Variants in CTNNA2 observed in about 807,000 individuals in gnomAD.
The protein encoded by CTNNA2 is catenin alpha-2.
Under a neutral mutation model 101.0 loss-of-function variants are expected in CTNNA2, and 42 were observed. That is an observed-to-expected ratio of 0.42 (90% CI 0.32 to 0.54). The LOEUF is 0.54. Among genes scored for constraint, CTNNA2 ranks in the 20% least tolerant of loss-of-function variants. The pLI is 0.14. For missense variants in CTNNA2, 871 were observed against 1,223.1 expected (o/e 0.71, Z 4.29); for synonymous variants, 450 against 456.4 (o/e 0.99, Z 0.18).
intron 9 of CTNNA2, among the ~76,000 whole-genome samples, chr2:80,535,197 T>C (rs567847870): frequency 1.3e-5 from 2 of 152,288 alleles, no homozygotes; most frequent in South Asian, 4.1e-4. Flanking sequence ...ATATAAACTT[T>C]TAATGCATTA....
intron 7 of CTNNA2, among the ~76,000 whole-genome samples, chr2:79,950,141 G>GA (rs11305062): frequency 3.0e-3 from 433 of 144,356 alleles, no homozygotes; most frequent in African/African-American, 5.4e-3. Flanking sequence ...CAGATTTTGT[G>GA]AAAAAAAAAA....
chr2:79,706,530 T>C (rs1341242070), intron 2 of CTNNA2, among the ~76,000 whole-genome samples: 4 of 152,118 alleles, frequency 2.6e-5, no homozygotes, highest in Non-Finnish European at 5.9e-5. Context: ...ATTCTTCCCA[T>C]TTGGTTTAAA....
At chr2:79,728,818 TATATTAA>T (rs1239527182) in intron 2 of CTNNA2, among the ~76,000 whole-genome samples, 1 of 152,216 alleles carries the variant, frequency 6.6e-6, no homozygotes, top group Non-Finnish European at 1.5e-5. Flanking sequence ...CCCAGCACCA[TATATTAA>T]ATAGGGAATC....
At position 80,598,591 on chromosome 2, in the gene CTNNA2, G is replaced by A. The variant is rs548021859; in HGVS notation, c.2190-5483G>A. 3.3e-5 allele frequency among the ~76,000 whole-genome samples: 5 copies of A among 152,208 alleles called. No homozygotes were observed. In the South Asian group the frequency reaches 1.0e-3, roughly 32 times the overall value. On this transcript the variant is annotated intron_variant, in intron 15 of 18. Coordinates refer to ENST00000402739, the MANE Select transcript of CTNNA2 (RefSeq NM_001282597.3). ...CAAACCCTATACCATAAACAATTACGTCAGGTTTATTTGTAATAGTCCCAC... is the reference window on the plus strand; with the variant it reads ...CAAACCCTATACCATAAACAATTACATCAGGTTTATTTGTAATAGTCCCAC...
At position 80,302,614 on chromosome 2, in the gene CTNNA2, G is replaced by T; in HGVS notation, c.1057-90597G>T. On this transcript the variant is annotated intron_variant, in intron 7 of 18. Transcript: ENST00000402739. The surrounding 1 kb of genome is among the most constrained non-coding windows in gnomAD (Gnocchi z 6.4). The stretch of plus-strand genomic sequence containing the variant: ...CGGTGGCAGGCTCGAATGTGCCGTC[G>T]TGCTGCCCCTCCCCGCCGTCCGCGA... 1.2e-6 allele frequency: 2 copies of T among 1,605,822 alleles called. No individual in the cohort carries two copies. Among genetic ancestry groups the T allele is most frequent in the Non-Finnish European group, 1.7e-6 (2 of 1,178,508 alleles).
intron 8 of CTNNA2, among the ~76,000 whole-genome samples, chr2:80,417,202 G>A (rs1680119008): frequency 1.3e-5 from 2 of 150,870 alleles, no homozygotes; most frequent in South Asian, 2.1e-4. Context: ...TTTAATATAT[G>A]TATATATTAT....
At chr2:79,651,698 T>G (rs1234594898) in intron 2 of CTNNA2, 40 bp downstream of exon 2, 2 of 1,531,596 alleles carry the variant, frequency 1.3e-6, no homozygotes, top group Admixed American at 3.4e-5. Flanking sequence ...TATATGTGTT[T>G]CTATTGTGAT....
At chr2:79,836,606 T>C (rs925652585) in intron 3 of CTNNA2, among the ~76,000 whole-genome samples, 2 of 152,182 alleles carry the variant, frequency 1.3e-5, no homozygotes, top group Non-Finnish European at 2.9e-5. Context: ...CACACTTCCT[T>C]TGAAACATGT....
At chr2:80,114,810 G>A (rs1010721371) in intron 7 of CTNNA2, among the ~76,000 whole-genome samples, 2 of 152,108 alleles carry the variant, frequency 1.3e-5, no homozygotes, top group Non-Finnish European at 2.9e-5. Flanking sequence ...GGTGTCTGAA[G>A]ATATCCTCAC....
intron 7 of CTNNA2, among the ~76,000 whole-genome samples, chr2:79,941,854 A>G (rs1688188561): frequency 1.3e-5 from 2 of 152,106 alleles, no homozygotes; most frequent in South Asian, 4.1e-4. Context: ...CCTGACCTCA[A>G]GTGATCTCCT....
At chr2:79,777,273 A>G (rs752033522) in intron 3 of CTNNA2, among the ~76,000 whole-genome samples, 42 of 151,808 alleles carry the variant, frequency 2.8e-4, no homozygotes, top group Non-Finnish European at 4.3e-4. Context: ...TGATTTCTCT[A>G]CTATAAGAAC....
intron 1 of CTNNA2, among the ~76,000 whole-genome samples, chr2:79,647,328 A>G (rs1307072292): frequency 6.6e-6 from 1 of 152,254 alleles, no homozygotes; most frequent in Non-Finnish European, 1.5e-5. Context: ...TAATGACAAC[A>G]TAACAATAAT....
At chr2:79,910,569 C>T (rs1009427384) in intron 7 of CTNNA2, among the ~76,000 whole-genome samples, 2 of 152,164 alleles carry the variant, frequency 1.3e-5, no homozygotes, top group South Asian at 2.1e-4. Context: ...CTGTGCTTCC[C>T]CCTTTCCTGG....
chr2:79,586,676 A>T (rs922495318), intron 1 of CTNNA2, among the ~76,000 whole-genome samples: 3 of 152,106 alleles, frequency 2.0e-5, no homozygotes, highest in African/African-American at 7.2e-5. Context: ...CTTAATGTTT[A>T]AAATTTTATT....
chr2:79,967,616 T>G (rs553128348), intron 7 of CTNNA2, among the ~76,000 whole-genome samples: 3 of 152,344 alleles, frequency 2.0e-5, no homozygotes, highest in African/African-American at 7.2e-5. Context: ...CAAGATGAGC[T>G]AATTTCTCCA....
intron 7 of CTNNA2, among the ~76,000 whole-genome samples, chr2:79,913,013 G>A (rs1685917134): frequency 6.6e-6 from 1 of 152,144 alleles, no homozygotes; most frequent in South Asian, 2.1e-4. Flanking sequence ...TTTGTGCCAG[G>A]CATTGCTCTA....
intron 7 of CTNNA2, among the ~76,000 whole-genome samples, chr2:80,018,505 C>G (rs565873029): frequency 1.3e-5 from 2 of 152,008 alleles, no homozygotes; most frequent in South Asian, 2.1e-4. Context: ...GGCCGGGCAC[C>G]GTGGCTCATG....
chr2:79,655,826 C>T (rs887683301), intron 2 of CTNNA2, among the ~76,000 whole-genome samples: 2 of 106,344 alleles, frequency 1.9e-5, no homozygotes, highest in Admixed American at 9.0e-5. Flanking sequence ...GAGACTCCAT[C>T]TCAAAAAAAA....
chr2:80,377,994 C>G (rs1014378761), intron 7 of CTNNA2, among the ~76,000 whole-genome samples: 1 of 152,182 alleles, frequency 6.6e-6, no homozygotes, highest in Admixed American at 6.5e-5. Context: ...GTGCCTGACA[C>G]TGGGAGATGT....
Sources: gnomAD v4.1 joint callset for allele counts (sites outside exome capture counted in the v4.1 genomes callset) on GRCh38, gnomAD v4.1.1 for gene constraint, Gnocchi (gnomAD v3.1) non-coding constraint, MANE v1.5 for transcripts, NCBI Gene and HGNC (gene_info 2026-07-23, HGNC 2026-07-21) for gene names.